Variants in SH3GL3 observed in about 807,000 individuals in gnomAD.
SH3GL3 encodes the protein endophilin-A3.
Under a neutral mutation model 47.7 loss-of-function variants are expected in SH3GL3, and 33 were observed. That is an observed-to-expected ratio of 0.69 (90% CI 0.52 to 0.92). SH3GL3 has a LOEUF of 0.92. Among genes scored for constraint, SH3GL3 ranks in the 40% least tolerant of loss-of-function variants. The pLI is 0.00. For synonymous variants in SH3GL3, 155 were observed against 148.8 expected, an observed-to-expected ratio of 1.04 and a Z score of -0.30; for missense variants, 363 against 417.8, an observed-to-expected ratio of 0.87 and a Z score of 1.14.
chr15:83,618,052 G>A (rs749784282), intron 8 of SH3GL3, 30 bp from the exon 9 acceptor site: 2 of 1,389,914 alleles, frequency 1.4e-6, no homozygotes, highest in African/African-American at 2.8e-5. Context: ...ATGTTCATCT[G>A]TACTTTTTGT....
intron 8 of SH3GL3, among the ~76,000 whole-genome samples, chr15:83,603,692 T>C (rs1022159580): frequency 3.3e-5 from 5 of 152,238 alleles, no homozygotes; most frequent in East Asian, 1.9e-4. Context: ...GTCTTTCTTA[T>C]AGTAACTTGC....
intron 1 of SH3GL3, chr15:83,488,111 C>T (rs1427744954): frequency 6.6e-6 from 1 of 152,272 alleles, no homozygotes; most frequent in Non-Finnish European, 1.5e-5. Context: ...CTCCTGACCT[C>T]GTGATCCGCC....
intron 1 of SH3GL3, among the ~76,000 whole-genome samples, chr15:83,460,067 T>TG (rs1195387782): frequency 9.6e-5 from 10 of 103,848 alleles, no homozygotes; most frequent in African/African-American, 3.3e-4. Flanking sequence ...CCTCCCTCCC[T>TG]CCCTTCCTTC....
At chr15:83,607,221 C>T (rs1458694556) in intron 8 of SH3GL3, among the ~76,000 whole-genome samples, 1 of 152,126 alleles carries the variant, frequency 6.6e-6, no homozygotes, top group Non-Finnish European at 1.5e-5. Context: ...TACATTTGAT[C>T]CATAAGCTAA....
At chr15:83,481,429 G>T (rs1228522818) in intron 1 of SH3GL3, among the ~76,000 whole-genome samples, 1 of 152,196 alleles carries the variant, frequency 6.6e-6, no homozygotes, top group Non-Finnish European at 1.5e-5. Flanking sequence ...CTAGTAATTT[G>T]TCAGCTTTGT....
At chr15:83,519,438 G>T (rs572084860) in intron 1 of SH3GL3, among the ~76,000 whole-genome samples, 1 of 152,266 alleles carries the variant, frequency 6.6e-6, no homozygotes, top group Admixed American at 6.5e-5. Flanking sequence ...TTGTAAACAG[G>T]ATTGCATTCT....
chr15:83,588,052 C>A (rs771902659), intron 7 of SH3GL3, among the ~76,000 whole-genome samples: 6 of 152,122 alleles, frequency 3.9e-5, no homozygotes, highest in Non-Finnish European at 8.8e-5. Flanking sequence ...CACTGGGTGC[C>A]GACCGCGTCC....
At chr15:83,508,237 G>A (rs1426113527) in intron 1 of SH3GL3, among the ~76,000 whole-genome samples, 1 of 151,814 alleles carries the variant, frequency 6.6e-6, no homozygotes, top group Admixed American at 6.6e-5. Context: ...ACCGTGCCCA[G>A]CCCAGGCACA....
chr15:83,527,608 C>T (rs2043481996), intron 1 of SH3GL3, among the ~76,000 whole-genome samples: 1 of 152,032 alleles, frequency 6.6e-6, no homozygotes, highest in South Asian at 2.1e-4. Context: ...TGTGTCTTTA[C>T]AGGTGAAATG....
intron 1 of SH3GL3, among the ~76,000 whole-genome samples, chr15:83,538,155 T>G (rs1162053355): frequency 1.3e-5 from 2 of 152,168 alleles, no homozygotes; most frequent in African/African-American, 4.8e-5. Flanking sequence ...TTAGACTCTG[T>G]ATGGCTTTGT....
intron 1 of SH3GL3, among the ~76,000 whole-genome samples, chr15:83,461,560 C>T (rs2040300784): frequency 6.6e-6 from 1 of 151,548 alleles, no homozygotes; most frequent in Admixed American, 6.6e-5. Context: ...TGCTTTTTCT[C>T]CCTATCTTAT....
At chr15:83,478,626 C>G (rs530009968) in intron 1 of SH3GL3, among the ~76,000 whole-genome samples, 1 of 152,146 alleles carries the variant, frequency 6.6e-6, no homozygotes, top group African/African-American at 2.4e-5. Context: ...ATTTAGTATA[C>G]TGGTTAAGAG....
intron 1 of SH3GL3, among the ~76,000 whole-genome samples, chr15:83,499,205 A>G (rs545698653): frequency 1.3e-5 from 2 of 152,060 alleles, no homozygotes; most frequent in Non-Finnish European, 2.9e-5. Context: ...TTTAATGTCT[A>G]AGGCCTGGAA....
In SH3GL3 at chr15:83,516,137, A is replaced by G. The variant is rs529847096; in HGVS notation, c.46-43116A>G. Among the ~76,000 whole-genome samples, 23 of 152,268 alleles carry G rather than the reference A, an allele frequency of 1.5e-4. No homozygotes were observed. The South Asian group carries it at 4.8e-3, about 32-fold the overall frequency. On this transcript the variant is annotated intron_variant, in intron 1 of 8. Coordinates refer to ENST00000427482, the MANE Select transcript of SH3GL3 (RefSeq NM_003027.5). ...GGGATACATGGGGGGCTTCTGGATT[A>G]CTGGCAAGGCTCAATTTCATGATGA...
At chr15:83,492,344 A>G (rs1007194723) in intron 1 of SH3GL3, among the ~76,000 whole-genome samples, 4 of 150,886 alleles carry the variant, frequency 2.7e-5, no homozygotes, top group East Asian at 2.0e-4. Context: ...AAACAACACT[A>G]TGGGAATGAA....
At chr15:83,549,924 C>T (rs2044580236) in intron 1 of SH3GL3, among the ~76,000 whole-genome samples, 1 of 152,098 alleles carries the variant, frequency 6.6e-6, no homozygotes, top group South Asian at 2.1e-4. Flanking sequence ...TGTATCACTC[C>T]CCTCAATGCA....
chr15:83,470,105 A>T (rs2040763460), intron 1 of SH3GL3, among the ~76,000 whole-genome samples: 1 of 152,134 alleles, frequency 6.6e-6, no homozygotes, highest in Non-Finnish European at 1.5e-5. Flanking sequence ...ACTTTATCTG[A>T]TATTAATATA....
chr15:83,513,667 C>G (rs946227104), intron 1 of SH3GL3, among the ~76,000 whole-genome samples: 1 of 152,158 alleles, frequency 6.6e-6, no homozygotes, highest in Admixed American at 6.5e-5. Context: ...GTTGATGCAT[C>G]TGTCTCTCCC....
intron 8 of SH3GL3, among the ~76,000 whole-genome samples, chr15:83,606,592 C>T (rs1286474471): frequency 1.3e-5 from 2 of 152,190 alleles, no homozygotes; most frequent in Non-Finnish European, 2.9e-5. Flanking sequence ...CCACTAATAG[C>T]CTTCCCCCCA....
Sources: gnomAD v4.1 joint callset for allele counts (sites outside exome capture counted in the v4.1 genomes callset) on GRCh38, gnomAD v4.1.1 for gene constraint, MANE v1.5 for transcripts, NCBI Gene and HGNC (gene_info 2026-07-23, HGNC 2026-07-21) for gene names.